Variants in PRKCE observed in about 807,000 individuals in gnomAD.
PRKCE encodes protein kinase C epsilon type.
PRKCE carries 16 observed loss-of-function variants against 85.4 expected under a neutral mutation model. That is an observed-to-expected ratio of 0.19 (90% CI 0.13 to 0.28). The LOEUF is 0.28. Among genes scored for constraint, PRKCE ranks in the 10% least tolerant of loss-of-function variants. PRKCE has a pLI of 1.00. For missense variants in PRKCE, 573 were observed against 975.2 expected, an observed-to-expected ratio of 0.59 and a Z score of 5.49; for synonymous variants, 388 against 371.5, an observed-to-expected ratio of 1.04 and a Z score of -0.51.
intron 1 of PRKCE, among the ~76,000 whole-genome samples, chr2:45,820,887 C>A (rs1689474239): frequency 6.6e-6 from 1 of 152,016 alleles, no homozygotes; most frequent in Admixed American, 6.6e-5. Flanking sequence ...TGTCTCCCCA[C>A]CCCCTTCCCA....
rs185283060 is a variant in PRKCE, at chr2:45,895,528, C to G, written c.412+52465C>G. Reference sequence around the variant, plus strand: ...TAAAAAGGAATTAACTGTTAGGACACCAGGAAGTGCTCAATTAATTCTTCT... The same window carrying G: ...TAAAAAGGAATTAACTGTTAGGACAGCAGGAAGTGCTCAATTAATTCTTCT... On this transcript the variant is annotated intron_variant, in intron 2 of 14. Coordinates refer to ENST00000306156, the MANE Select transcript of PRKCE (RefSeq NM_005400.3). The surrounding 1 kb of genome is among the most constrained non-coding windows in gnomAD (Gnocchi z 4.8). 4.7e-4 allele frequency among the ~76,000 whole-genome samples: 72 copies of G among 152,258 alleles called. No homozygotes were observed. The highest frequency in any genetic ancestry group is 1.7e-3 in the African/African-American group (70 of 41,524).
intron 11 of PRKCE, among the ~76,000 whole-genome samples, chr2:46,114,345 A>G (rs1349249666): frequency 6.7e-6 from 1 of 149,140 alleles, no homozygotes; most frequent in East Asian, 2.0e-4. Context: ...CAGTCTTCCC[A>G]GAGATTGGGC....
intron 14 of PRKCE, among the ~76,000 whole-genome samples, chr2:46,182,401 C>G (rs893988559): frequency 6.6e-6 from 1 of 152,170 alleles, no homozygotes; most frequent in African/African-American, 2.4e-5. Context: ...TCCTCTTGTT[C>G]TGTACACACT....
chr2:45,841,375 C>G (rs1691337445), intron 1 of PRKCE, among the ~76,000 whole-genome samples: 1 of 152,186 alleles, frequency 6.6e-6, no homozygotes, highest in Non-Finnish European at 1.5e-5. Flanking sequence ...GAGCCCCTGG[C>G]AAACCACTGG....
At chr2:45,708,409 G>A (rs893414707) in intron 1 of PRKCE, among the ~76,000 whole-genome samples, 1 of 152,172 alleles carries the variant, frequency 6.6e-6, no homozygotes, top group Non-Finnish European at 1.5e-5. Context: ...CCTGGTGGGA[G>A]GTAATTGAAT....
intron 11 of PRKCE, among the ~76,000 whole-genome samples, chr2:46,117,420 A>G (rs1672882191): frequency 1.3e-5 from 2 of 152,244 alleles, no homozygotes; most frequent in African/African-American, 4.8e-5. Context: ...GTAAGCCTGT[A>G]AAGGAAAAAC....
At chr2:45,744,535 CTTCTTTCT>C (rs1236280845) in intron 1 of PRKCE, among the ~76,000 whole-genome samples, 2 of 29,100 alleles carry the variant, frequency 6.9e-5, no homozygotes, top group African/African-American at 2.5e-4. Context: ...TTTTTCTTTC[CTTCTTTCT>C]TTCTTTCTTC....
intron 13 of PRKCE, among the ~76,000 whole-genome samples, chr2:46,156,876 C>A (rs946456175): frequency 2.6e-5 from 4 of 152,206 alleles, no homozygotes; most frequent in Non-Finnish European, 4.4e-5. Flanking sequence ...ACCTCCCACA[C>A]ACTCTCTACT....
chr2:45,873,984 C>T (rs774224626), intron 2 of PRKCE, among the ~76,000 whole-genome samples: 12 of 152,216 alleles, frequency 7.9e-5, no homozygotes, highest in African/African-American at 1.7e-4. Context: ...CTTGGACAGA[C>T]GCCATTTACC....
At chr2:45,938,185 G>A (rs1558859516) in intron 2 of PRKCE, among the ~76,000 whole-genome samples, 1 of 152,184 alleles carries the variant, frequency 6.6e-6, no homozygotes, top group African/African-American at 2.4e-5. Context: ...TCAGGGCAGG[G>A]CTGATGGGGG....
At chr2:45,660,058 G>A (rs1262588789) in intron 1 of PRKCE, among the ~76,000 whole-genome samples, 1 of 151,966 alleles carries the variant, frequency 6.6e-6, no homozygotes, top group Non-Finnish European at 1.5e-5. Flanking sequence ...GCACATTGTT[G>A]AATGAATGAA....
At chr2:45,823,996 G>A (rs967875140) in intron 1 of PRKCE, among the ~76,000 whole-genome samples, 2 of 152,234 alleles carry the variant, frequency 1.3e-5, no homozygotes, top group Non-Finnish European at 2.9e-5. Flanking sequence ...GCTTTCCTTG[G>A]CACTGCAGGG....
intron 6 of PRKCE, among the ~76,000 whole-genome samples, chr2:45,990,197 T>C (rs1206179153): frequency 6.6e-6 from 1 of 152,214 alleles, no homozygotes; most frequent in Non-Finnish European, 1.5e-5. Flanking sequence ...AAAACTCAAC[T>C]GGAAGAGGAT....
chr2:45,868,414 A>G (rs1243320884), intron 2 of PRKCE, among the ~76,000 whole-genome samples: 1 of 150,042 alleles, frequency 6.7e-6, no homozygotes, highest in Non-Finnish European at 1.5e-5. Context: ...ACACTAAGGT[A>G]TAAGTAGTTG....
chr2:46,151,894 T>C (rs1676670732), intron 13 of PRKCE, among the ~76,000 whole-genome samples: 1 of 152,212 alleles, frequency 6.6e-6, no homozygotes, highest in African/African-American at 2.4e-5. Context: ...AAGCAAGTGA[T>C]GTTACCTGTC....
chr2:46,165,760 A>G (rs1012424312), intron 14 of PRKCE, among the ~76,000 whole-genome samples: 1 of 152,124 alleles, frequency 6.6e-6, no homozygotes. Flanking sequence ...CTTCCCCTCA[A>G]AAGCGTTCAG....
At chr2:45,814,628 G>A (rs893636975) in intron 1 of PRKCE, among the ~76,000 whole-genome samples, 15 of 152,216 alleles carry the variant, frequency 9.9e-5, no homozygotes, top group South Asian at 2.1e-4. Context: ...GGAAGAAAAC[G>A]AGGAGCACCA....
intron 1 of PRKCE, among the ~76,000 whole-genome samples, chr2:45,682,779 G>T (rs1035150946): frequency 1.3e-5 from 2 of 152,018 alleles, no homozygotes; most frequent in Admixed American, 6.5e-5. Context: ...TAGAAACGGG[G>T]TTTCATCATG....
chr2:45,854,943 C>A (rs1425345533), intron 2 of PRKCE, among the ~76,000 whole-genome samples: 1 of 152,160 alleles, frequency 6.6e-6, no homozygotes, highest in African/African-American at 2.4e-5. Flanking sequence ...AAAAAGTCTC[C>A]AATAAGCAGA....
Sources: allele counts gnomAD v4.1 joint callset (sites outside exome capture counted in the v4.1 genomes callset), GRCh38; gene constraint gnomAD v4.1.1; non-coding constraint Gnocchi (gnomAD v3.1); transcripts MANE v1.5; gene names NCBI Gene and HGNC (gene_info 2026-07-23, HGNC 2026-07-21).